The following TTC6 variants were observed in gnomAD, a reference collection of about 807,000 sequenced individuals.
TTC6 encodes tetratricopeptide repeat domain 6, also known as tetratricopeptide repeat protein 6.
TTC6 carries 172 observed loss-of-function variants against 210.4 expected under a neutral mutation model. The observed-to-expected ratio is 0.82, with a 90% CI of 0.72 to 0.93. TTC6 has a LOEUF of 0.93. Among genes scored for constraint, TTC6 ranks in the 40% least tolerant of loss-of-function variants. The probability of loss-of-function intolerance (pLI) is 0.00; values close to 1 mark genes in which losing one functional copy is unlikely to be tolerated. For missense variants in TTC6, 2,414 were observed against 2,318.1 expected (o/e 1.04, Z -0.85); for synonymous variants, 804 against 819.6 (o/e 0.98, Z 0.32).
At chr14:37,665,837 G>GA (rs978672392) in intron 1 of TTC6, among the ~76,000 whole-genome samples, 2 of 150,286 alleles carry the variant, frequency 1.3e-5, no homozygotes, top group African/African-American at 4.8e-5. Context: ...TTTGTGATGA[G>GA]ATACTCAGAC....
At chr14:37,601,595 G>A (rs913447166) in intron 1 of TTC6, among the ~76,000 whole-genome samples, 2 of 152,242 alleles carry the variant, frequency 1.3e-5, no homozygotes, top group Non-Finnish European at 2.9e-5. Flanking sequence ...TGGACTGAGT[G>A]AAGAATTGGA....
intron 1 of TTC6, among the ~76,000 whole-genome samples, chr14:37,664,557 A>T (rs1238732895): frequency 6.6e-6 from 1 of 150,392 alleles, no homozygotes; most frequent in African/African-American, 2.4e-5. Context: ...CCCTAGAAGA[A>T]AATCTAGGCA....
At chr14:37,602,618 C>T (rs7151988) in intron 1 of TTC6, among the ~76,000 whole-genome samples, 53 of 152,250 alleles carry the variant, frequency 3.5e-4, no homozygotes, top group African/African-American at 1.2e-3. Context: ...ACTGTCCCAC[C>T]GGGTGGATGA....
At chr14:37,704,023 C>G (rs1440401396) in intron 5 of TTC6, among the ~76,000 whole-genome samples, 2 of 152,076 alleles carry the variant, frequency 1.3e-5, no homozygotes, top group Non-Finnish European at 2.9e-5. Context: ...ATTCTATAGC[C>G]TGAGTTTCTT....
chr14:37,680,176 A>G (rs2095780013), exon 2 of TTC6: 2 of 1,532,042 alleles, frequency 1.3e-6, no homozygotes, highest in Non-Finnish European at 1.7e-6. Context: ...GGAAAAATGT[A>G]CCTCAAAACA....
exon 19 of TTC6, chr14:37,796,297 A>T: frequency 7.9e-7 from 1 of 1,264,084 alleles, no homozygotes; most frequent in Non-Finnish European, 1.1e-6. Context: ...CTTCCAGAGG[A>T]CAATATCTTC....
intron 5 of TTC6, among the ~76,000 whole-genome samples, 153 bp from the exon 8 acceptor site, chr14:37,714,502 C>T (rs1408127477): frequency 6.6e-6 from 1 of 151,978 alleles, no homozygotes; most frequent in East Asian, 1.9e-4. Context: ...GATTATTTCT[C>T]ATTTTGGATT....
intron 2 of TTC6, among the ~76,000 whole-genome samples, chr14:37,613,203 G>A (rs1329800070): frequency 6.6e-6 from 1 of 152,042 alleles, no homozygotes; most frequent in Non-Finnish European, 1.5e-5. Context: ...GTTGAATTAT[G>A]TCAAATGTTT....
intron 7 of TTC6, among the ~76,000 whole-genome samples, chr14:37,730,630 G>C (rs527853826): frequency 3.2e-4 from 48 of 151,640 alleles, no homozygotes; most frequent in African/African-American, 1.2e-3. Context: ...TTATATTTTT[G>C]ACTAATTCTT....
At chr14:37,727,040 A>C (rs1351362346) in intron 7 of TTC6, among the ~76,000 whole-genome samples, 2 of 151,702 alleles carry the variant, frequency 1.3e-5, no homozygotes, top group African/African-American at 4.8e-5. Flanking sequence ...AGACTAGTAT[A>C]CTCATACCAG....
chr14:37,627,076 A>C (rs1400518050), intron 1 of TTC6, among the ~76,000 whole-genome samples: 5 of 152,002 alleles, frequency 3.3e-5, no homozygotes, highest in Non-Finnish European at 5.9e-5. Context: ...AGATCTGGCC[A>C]TTTAAAAATG....
chr14:37,775,576 T>G (rs933029678), intron 14 of TTC6, among the ~76,000 whole-genome samples: 1 of 152,120 alleles, frequency 6.6e-6, no homozygotes, highest in African/African-American at 2.4e-5. Context: ...ATTTTTACTG[T>G]GCTGTGGTCC....
intron 5 of TTC6, among the ~76,000 whole-genome samples, chr14:37,704,780 C>T (rs192597324): frequency 3.3e-5 from 5 of 151,940 alleles, no homozygotes; most frequent in African/African-American, 7.2e-5. Flanking sequence ...GGTGTTTATA[C>T]GTTTACATTT....
intron 7 of TTC6, among the ~76,000 whole-genome samples, chr14:37,728,429 A>C (rs2095878179): frequency 6.6e-6 from 1 of 152,146 alleles, no homozygotes. Flanking sequence ...AAAAAAAAAA[A>C]AAAAAAAAAA....
At position 37,827,411 on chromosome 14, in the gene TTC6, T is replaced by C. The variant is rs774851940; in HGVS notation, c.5298+45T>C. On this transcript the variant is annotated intron_variant, in intron 29 of 30. Transcript: ENST00000553443. Reference sequence around the variant, plus strand: ...ACGCTTTCTTTTTGACCTGGAATGCTTTCTTTATTATATATAGCTTCAAAG... The same window carrying C: ...ACGCTTTCTTTTTGACCTGGAATGCCTTCTTTATTATATATAGCTTCAAAG... 15 of 1,582,124 alleles carry C rather than the reference T, an allele frequency of 9.5e-6. No individual in the cohort carries two copies. In the South Asian group the frequency reaches 1.7e-4, roughly 18 times the overall value.
intron 7 of TTC6, among the ~76,000 whole-genome samples, chr14:37,727,581 C>T (rs960447868): frequency 1.3e-5 from 2 of 151,938 alleles, no homozygotes; most frequent in East Asian, 1.9e-4. Flanking sequence ...GTGTGAGCCA[C>T]CACGCCCAGA....
At chr14:37,711,272 T>G (rs1157970778) in intron 5 of TTC6, among the ~76,000 whole-genome samples, 1 of 152,088 alleles carries the variant, frequency 6.6e-6, no homozygotes, top group Non-Finnish European at 1.5e-5. Context: ...AGAAAATGAG[T>G]AAGTCTCACT....
Position 37,816,628 on chromosome 14 carries a change from G to T in TTC6, c.4690-950G>T, listed in dbSNP as rs181099203. 3.4e-3 allele frequency among the ~76,000 whole-genome samples: 518 copies of T among 152,232 alleles called. 2 individuals carry two copies. Among genetic ancestry groups the T allele is most frequent in the Non-Finnish European group, 6.1e-3 (412 of 68,018 alleles). ...GCAGTGCTATTTTCATTCCTTCATAGATTCAGGACTCTTTCAGAAGCCCTT... is the reference window on the plus strand; with the variant it reads ...GCAGTGCTATTTTCATTCCTTCATATATTCAGGACTCTTTCAGAAGCCCTT... On this transcript the variant is annotated intron_variant, in intron 25 of 30. Transcript: ENST00000553443.
Position 37,598,562 on chromosome 14 carries a change from C to A in TTC6, c.-235+2554C>A, listed in dbSNP as rs2095609057. 6.6e-6 allele frequency among the ~76,000 whole-genome samples: 1 copy of A among 152,226 alleles called. No individual in the cohort carries two copies. Among genetic ancestry groups the A allele is most frequent in the African/African-American group, 2.4e-5 (1 of 41,464 alleles). On this transcript the variant is annotated intron_variant, in intron 1 of 2. Coordinates refer to the TTC6 transcript ENST00000556845. The surrounding 1 kb of genome is among the most constrained non-coding windows in gnomAD (Gnocchi z 4.9). The stretch of plus-strand genomic sequence containing the variant: ...CGCTTGGCTGCCTCAGCTTACACTT[C>A]CCAGCAGGATCTGGCTGGGAGCCCC...
Sources: allele counts gnomAD v4.1 joint callset (sites outside exome capture counted in the v4.1 genomes callset), GRCh38; gene constraint gnomAD v4.1.1; non-coding constraint Gnocchi (gnomAD v3.1); transcripts MANE v1.5; gene names NCBI Gene and HGNC (gene_info 2026-07-23, HGNC 2026-07-21).